Variants in SGSH observed in about 807,000 individuals in gnomAD.
The protein encoded by SGSH is heparan sulfate sulfatase.
In SGSH, 48 loss-of-function variants were observed where a neutral mutation model predicts 51.0. That is an observed-to-expected ratio of 0.94 (90% CI 0.75 to 1.20). SGSH has a LOEUF of 1.20. Ranked by LOEUF, SGSH falls within the 50% of genes most tolerant of loss-of-function variation. SGSH has a pLI of 0.00. For synonymous variants in SGSH, 321 were observed against 313.4 expected (o/e 1.02, Z -0.26); for missense variants, 662 against 717.8 (o/e 0.92, Z 0.89).
In SGSH at chr17:80,217,133, G is replaced by A; in HGVS notation, c.148C>T (p.Leu50=). 3 of 1,601,194 alleles carry A rather than the reference G, an allele frequency of 1.9e-6. No individual in the cohort carries two copies. Among genetic ancestry groups the A allele is most frequent in the Non-Finnish European group, 2.6e-6 (3 of 1,175,836 alleles). Residue 50 remains leucine (L), a synonymous_variant, in exon 2 of 8, where the codon CTG becomes TTG. Coordinates refer to ENST00000326317, the MANE Select transcript of SGSH (RefSeq NM_000199.5). ...YNNSAIATPH[L]DALARRSLLF... is the part of the protein sequence containing the mutation. ...AGGCTGCGGCGGGCCAAGGCGTCCA[G>A]GTGCGGGGTGGCGATGGCGCTGTTG...
downstream of SGSH, chr17:80,204,627 G>GAAA: frequency 1.0e-5 from 3 of 292,704 alleles, no homozygotes; most frequent in East Asian, 6.4e-5. Context: ...TCTGTCTCAG[G>GAAA]AAAAAAAAAA....
downstream of SGSH, chr17:80,207,727 T>G: frequency 5.3e-6 from 1 of 189,200 alleles, no homozygotes; most frequent in Non-Finnish European, 1.1e-5. Context: ...AAGTTGTAAA[T>G]TAACAAATTG....
Position 80,220,271 on chromosome 17 carries a change from G to A in SGSH, c.43C>T (p.Leu15=), listed in dbSNP as rs934516033. 3 of 1,521,780 alleles carry A rather than the reference G, an allele frequency of 2.0e-6. No individual in the cohort carries two copies. Among genetic ancestry groups the A allele is most frequent in the East Asian group, 2.5e-5 (1 of 39,374 alleles). The allele number at this position is 1,521,780 out of a possible 1,614,324, so 94.3% of individuals were successfully genotyped here. A position where few individuals can be genotyped will look rare whatever the true frequency, so the allele number is the denominator to read the frequency against. The change falls in exon 1 of 8, where the codon CTG becomes TTG. Residue 15 remains leucine (L), a synonymous_variant. Coordinates refer to ENST00000326317, the MANE Select transcript of SGSH (RefSeq NM_000199.5). ...CGGGGACGCGCCCGGCAGAGCCCCA[G>A]GACTAGCAGCAGCGCGCAGCAGGCG... The part of the protein sequence containing the change: ...VPACCALLLV[L]GLCRARPRNA...
At chr17:80,202,601 A>G (rs949900538), downstream of SGSH, 3 of 1,429,002 alleles carry the variant, frequency 2.1e-6, no homozygotes, top group Admixed American at 8.6e-5. Context: ...TGGATGCTTT[A>G]TATATTGCAA....
intron 1 of SGSH, among the ~76,000 whole-genome samples, chr17:80,219,225 A>AC (rs2042027615): frequency 6.7e-6 from 1 of 150,050 alleles, no homozygotes; most frequent in Admixed American, 6.7e-5. Context: ...AAGTGAGACC[A>AC]CCCCCATCCG....
chr17:80,202,165 G>A (rs199898989), downstream of SGSH: 5,442 of 1,601,180 alleles, frequency 3.4e-3, 21 homozygotes, highest in Non-Finnish European at 3.6e-3. Flanking sequence ...TGTGGCTCAT[G>A]TCCCCTTTTA....
In SGSH at chr17:80,215,167, G is replaced by T. The variant is rs755102327; in HGVS notation, c.250-29C>A. 2.1e-5 allele frequency: 32 copies of T among 1,557,006 alleles called. 1 individual carries two copies. In the Admixed American group the frequency reaches 5.4e-4, roughly 26 times the overall value. On this transcript the variant is annotated intron_variant, in intron 2 of 7. Coordinates refer to ENST00000326317, the MANE Select transcript of SGSH (RefSeq NM_000199.5). ...CCAGCAAAGGCGCATGAGGTCCGGG[G>T]CCCCCGGACAGCCAGAGCCCGCCTG...
chr17:80,212,654 G>C lies in SGSH; in HGVS notation c.746-380C>G, dbSNP rs1283885840. 2.8e-6 allele frequency: 1 copy of C among 360,968 alleles called. No individual in the cohort carries two copies. Among genetic ancestry groups the C allele is most frequent in the Admixed American group, 3.9e-5 (1 of 25,728 alleles). 22.4% of individuals were successfully genotyped at this position (360,968 alleles called of 1,614,324 possible). ...CTTCCTCTATACTCGCTCCTTCCCA[G>C]CTGGGGCCAGAGGACAAGGCTTCCT... On this transcript the variant is annotated intron_variant, in intron 6 of 7. Coordinates refer to ENST00000326317, the MANE Select transcript of SGSH (RefSeq NM_000199.5). This position sits in a 1 kb window ranked among gnomAD's most constrained non-coding sequence, Gnocchi z 5.9.
In SGSH at chr17:80,212,759, C is replaced by G. The variant is rs185291752; in HGVS notation, c.746-485G>C. 4.1e-6 allele frequency: 1 copy of G among 242,380 alleles called. No individual in the cohort carries two copies. Among genetic ancestry groups the G allele is most frequent in the African/African-American group, 2.2e-5 (1 of 44,466 alleles). The allele number at this position is 242,380 out of a possible 1,614,324, so 15.0% of individuals were successfully genotyped here. On this transcript the variant is annotated intron_variant, in intron 6 of 7. Transcript: ENST00000326317. The surrounding 1 kb of genome is among the most constrained non-coding windows in gnomAD (Gnocchi z 5.9). ...GCAAAGGTCCTGACCTCCTGTCGTC[C>G]CTGACCCCAAAAGACATGTGTGCTG...
rs2144755014 is a variant in SGSH at position 80,215,115 on chromosome 17, C to T, written c.273G>A (p.Leu91=). 4 of 1,611,698 alleles carry T rather than the reference C, an allele frequency of 2.5e-6. No individual in the cohort carries two copies. In the South Asian group the frequency reaches 4.4e-5, roughly 18 times the overall value. The change falls in exon 3 of 8, where the codon CTG becomes CTA. Residue 91 remains leucine, a synonymous_variant. Coordinates refer to ENST00000326317, the MANE Select transcript of SGSH (RefSeq NM_000199.5). The part of the protein sequence containing the change: ...LPQHQNGMYG[L]HQDVHHFNSF... ...AGTTGAAGTGGTGCACGTCCTGGTG[C>T]AGCCCGTACATCCCATTCTGATGCT...
At chr17:80,215,169 C>A (rs781689610) in intron 2 of SGSH, 31 bp from the exon 3 acceptor site, 28 of 1,539,402 alleles carry the variant, frequency 1.8e-5, no homozygotes, top group Middle Eastern at 1.7e-4. Context: ...GGTCCGGGGC[C>A]CCCGGACAGC....
At chr17:80,203,516 T>G, downstream of SGSH, 3 of 307,492 alleles carry the variant, frequency 9.8e-6, no homozygotes, top group Non-Finnish European at 6.0e-6. This position sits in a 1 kb window ranked among gnomAD's most constrained non-coding sequence, Gnocchi z 4.6. Context: ...ACCATGAATA[T>G]TGAGGTCCTG....
chr17:80,210,782 C>G lies in SGSH; in HGVS notation c.1179G>C (p.Lys393Asn). The change falls in exon 8 of 8, where the codon AAG becomes AAC. Residue 393 changes from lysine to asparagine, a missense_variant. Lys to Asn is a moderately conservative substitution (Grantham distance 94). Transcript: ENST00000326317. The stretch of plus-strand genomic sequence containing the variant: ...AGTCCTGGTCGATGGGAAAGGGCAT[C>G]TTGAAGTTGAGGTTGTGCACGAGGC... ...HFRLVHNLNF[K>N]MPFPIDQDFY... 1 of 1,614,040 alleles carries G rather than the reference C, an allele frequency of 6.2e-7. No homozygotes were observed. The highest frequency in any genetic ancestry group is 1.1e-5 in the South Asian group (1 of 91,080).
downstream of SGSH, chr17:80,201,957 C>T (rs376212379): frequency 1.4e-5 from 21 of 1,476,286 alleles, no homozygotes; most frequent in African/African-American, 1.5e-4. This position sits in a 1 kb window ranked among gnomAD's most constrained non-coding sequence, Gnocchi z 5.0. Context: ...GCACGCCCAG[C>T]AGCCAGGGAC....
Position 80,214,327 on chromosome 17 carries a change from G to C in SGSH, c.508C>G (p.Pro170Ala), listed in dbSNP as rs527760024. 14 of 1,612,414 alleles carry C rather than the reference G, an allele frequency of 8.7e-6. No homozygotes were observed. In the East Asian group the frequency reaches 2.7e-4, roughly 31 times the overall value. The part of the protein sequence containing the change: ...RKFLQTQDDR[P>A]FFLYVAFHDP... ...TGGAAGGCGACGTAGAGGAAGAAAG[G>C]CCTGCACGGGAGGAGGCTCATTGCC... Residue 170 changes from proline to alanine, a missense_variant and splice_region_variant, in exon 5 of 8, where the codon CCT (proline) becomes GCT (alanine). Transcript: ENST00000326317.
the SGSH span, chr17:80,201,131 C>T: frequency 6.5e-6 from 1 of 153,494 alleles, no homozygotes; most frequent in Non-Finnish European, 1.5e-5. The surrounding 1 kb of genome is among the most constrained non-coding windows in gnomAD (Gnocchi z 5.0). Flanking sequence ...GAGATAGTCC[C>T]GATATCCTAA....
At chr17:80,216,767 C>T (rs1393595530) in intron 2 of SGSH, 1 of 538,248 alleles carries the variant, frequency 1.9e-6, no homozygotes, top group Non-Finnish European at 3.4e-6. Context: ...ATTACACCCA[C>T]CATCTTACAG....
chr17:80,210,276 C>G lies in SGSH; in HGVS notation c.*176G>C. 9.8e-6 allele frequency: 14 copies of G among 1,433,176 alleles called. No homozygotes were observed. Among genetic ancestry groups the G allele is most frequent in the South Asian group, 1.5e-5 (1 of 66,930 alleles). 88.8% of individuals were successfully genotyped at this position (1,433,176 alleles called of 1,614,324 possible). On this transcript the variant is annotated 3_prime_UTR_variant, in exon 8 of 8. Coordinates refer to ENST00000326317, the MANE Select transcript of SGSH (RefSeq NM_000199.5). Reference sequence around the variant, plus strand: ...TGGGCACATGCTCTGGTCACATGCTCTGGTCCCCCTCCAGGCAATGGCAAG... The same window carrying G: ...TGGGCACATGCTCTGGTCACATGCTGTGGTCCCCCTCCAGGCAATGGCAAG...
chr17:80,208,197 A>G, downstream of SGSH: 2 of 1,553,882 alleles, frequency 1.3e-6, no homozygotes, highest in Non-Finnish European at 1.7e-6. Flanking sequence ...GCGAGGCAGG[A>G]GGAGGGAGAC....
Sources: allele counts gnomAD v4.1 joint callset (sites outside exome capture counted in the v4.1 genomes callset), GRCh38; gene constraint gnomAD v4.1.1; non-coding constraint Gnocchi (gnomAD v3.1); transcripts MANE v1.5; gene names NCBI Gene and HGNC (gene_info 2026-07-23, HGNC 2026-07-21).